RYR3: variants seen among roughly 807,000 people sequenced by gnomAD.
The protein encoded by RYR3 is brain ryanodine receptor-calcium release channel.
A neutral mutation model predicts 584.3 loss-of-function variants in RYR3; 207 were observed. The observed-to-expected ratio is 0.35, with a 90% CI of 0.32 to 0.40. The LOEUF is 0.40. Among genes scored for constraint, RYR3 ranks in the 10% least tolerant of loss-of-function variants. The pLI, the probability that RYR3 is intolerant of heterozygous loss-of-function variation, is 1.00. For missense variants in RYR3, 5,616 were observed against 6,089.2 expected (o/e 0.92, Z 2.59); for synonymous variants, 2,416 against 2,248.5 (o/e 1.07, Z -2.11).
chr15:33,469,341 A>T (rs542178619), intron 1 of RYR3, among the ~76,000 whole-genome samples: 1 of 152,170 alleles, frequency 6.6e-6, no homozygotes, highest in Non-Finnish European at 1.5e-5. Context: ...GAAACCTCAG[A>T]TACTAGTTCA....
chr15:33,552,483 A>G (rs1015753140), intron 10 of RYR3, among the ~76,000 whole-genome samples: 1 of 152,218 alleles, frequency 6.6e-6, no homozygotes, highest in African/African-American at 2.4e-5. Context: ...AAAGTCACCC[A>G]TGAGTCACAT....
At chr15:33,487,753 A>G (rs1206313557) in intron 2 of RYR3, among the ~76,000 whole-genome samples, 1 of 152,212 alleles carries the variant, frequency 6.6e-6, no homozygotes, top group African/African-American at 2.4e-5. Context: ...GTCATTTCAT[A>G]TTCATCCATA....
At chr15:33,628,891 A>G (rs1329745349) in intron 21 of RYR3, among the ~76,000 whole-genome samples, 3 of 152,178 alleles carry the variant, frequency 2.0e-5, no homozygotes, top group Non-Finnish European at 2.9e-5. Flanking sequence ...CTTGTTTAAT[A>G]TGGTTTTCAG....
At chr15:33,757,711 G>C in intron 60 of RYR3, 115 bp downstream of exon 60, 1 of 1,205,088 alleles carries the variant, frequency 8.3e-7, no homozygotes. Context: ...ATGATGTTTT[G>C]GTTTGTCATC....
intron 1 of RYR3, among the ~76,000 whole-genome samples, chr15:33,463,565 A>C (rs2048217316): frequency 6.6e-6 from 1 of 152,106 alleles, no homozygotes. Flanking sequence ...AAAATGTCAT[A>C]GGTAATAGGT....
Position 33,615,113 on chromosome 15 carries a change from G to A in RYR3, c.2357+1738G>A, listed in dbSNP as rs1049767410. On this transcript the variant is annotated intron_variant, in intron 19 of 103. Transcript: ENST00000634891. ...CTTTCCTCAGCCATTCTTCATCCCTGTATTTTAAAGAGATCACAATCAATT... is the reference window on the plus strand; with the variant it reads ...CTTTCCTCAGCCATTCTTCATCCCTATATTTTAAAGAGATCACAATCAATT... Among the ~76,000 whole-genome samples the A allele has an allele frequency of 1.3e-5, 2 of 152,132 alleles. 1 individual carries two copies. The highest frequency in any genetic ancestry group is 3.9e-4 in the East Asian group (2 of 5,174).
At chr15:33,782,027 A>T (rs1264463041) in intron 65 of RYR3, among the ~76,000 whole-genome samples, 2 of 152,212 alleles carry the variant, frequency 1.3e-5, no homozygotes, top group African/African-American at 2.4e-5. Flanking sequence ...TCCTGACTCC[A>T]AAGGGACATG....
At chr15:33,523,489 C>G (rs903866232) in intron 3 of RYR3, among the ~76,000 whole-genome samples, 1 of 152,092 alleles carries the variant, frequency 6.6e-6, no homozygotes, top group African/African-American at 2.4e-5. Flanking sequence ...GCAAGGTCTG[C>G]GGCTTCATTC....
At chr15:33,576,215 T>G (rs2058294726) in intron 12 of RYR3, among the ~76,000 whole-genome samples, 1 of 152,202 alleles carries the variant, frequency 6.6e-6, no homozygotes. Context: ...TACCATTTCT[T>G]CTGAAACTGT....
At position 33,865,342 on chromosome 15, in the gene RYR3, A is replaced by AAAAAAAACTGCTGAAAATCTGTGCT; in HGVS notation, c.*123_*124insCTGCTGAAAATCTGTGCTAAAAAAA. The AAAAAAAACTGCTGAAAATCTGTGCT allele has an allele frequency of 1.4e-6, 1 of 708,720 alleles. No homozygotes were observed. Among genetic ancestry groups the AAAAAAAACTGCTGAAAATCTGTGCT allele is most frequent in the South Asian group, 2.0e-5 (1 of 49,650 alleles). 43.9% of individuals were successfully genotyped at this position (708,720 alleles called of 1,614,324 possible). On this transcript the variant is annotated 3_prime_UTR_variant, in exon 104 of 104. Transcript: ENST00000634891. ...TGACATTTTCTAAATGCCTCCCTTA[A>AAAAAAAACTGCTGAAAATCTGTGCT]AAAAAAAACTGCTGAAAATCTGTGC...
chr15:33,737,663 T>C (rs1198227286), intron 49 of RYR3, among the ~76,000 whole-genome samples: 1 of 152,152 alleles, frequency 6.6e-6, no homozygotes, highest in East Asian at 1.9e-4. Flanking sequence ...CCAGTTTTCA[T>C]CTCAAAAAAA....
chr15:33,451,571 A>G (rs2047136420), intron 1 of RYR3, among the ~76,000 whole-genome samples: 1 of 152,222 alleles, frequency 6.6e-6, no homozygotes, highest in Non-Finnish European at 1.5e-5. Flanking sequence ...TGACGTCTGC[A>G]GCAGCGTGCC....
chr15:33,562,906 T>C lies in RYR3; in HGVS notation c.1042T>C (p.Tyr348His), dbSNP rs1332719394. 6.2e-7 allele frequency: 1 copy of C among 1,613,612 alleles called. No homozygotes were observed. ...AGGCATGGGAGTTCCAGAAATCAAG[T>C]ATGGAGATTCTGTCTGCTTTGTGCA... ...IEGMGVPEIK[Y>H]GDSVCFVQHI... The change falls in exon 11 of 104, where the codon TAT becomes CAT. Residue 348 changes from tyrosine to histidine, a missense_variant. By Grantham distance (83) the Tyr-to-His change is moderately conservative (BLOSUM62 2). Around this residue, in one of 9 missense-constraint regions of RYR3, gnomAD observed 1,284 missense variants for 1,344.6 expected, o/e 0.95. Coordinates refer to ENST00000634891, the MANE Select transcript of RYR3 (RefSeq NM_001036.6).
At chr15:33,743,562 G>A (rs1235353859) in intron 52 of RYR3, among the ~76,000 whole-genome samples, 8 of 152,166 alleles carry the variant, frequency 5.3e-5, no homozygotes, top group Admixed American at 2.0e-4. Flanking sequence ...GAGCATCTGC[G>A]TTTTCTGAGA....
intron 101 of RYR3, 42 bp from the exon 102 acceptor site, chr15:33,861,036 A>G (rs1888008196): frequency 2.1e-6 from 3 of 1,405,044 alleles, no homozygotes; most frequent in Non-Finnish European, 2.0e-6. Context: ...TCCTGCCTAT[A>G]TTATGCCAAC....
intron 16 of RYR3, among the ~76,000 whole-genome samples, chr15:33,592,012 G>A (rs566061376): frequency 2.6e-5 from 4 of 152,168 alleles, no homozygotes; most frequent in Non-Finnish European, 1.5e-5. Flanking sequence ...GTTTGGGATA[G>A]ACAGTAATAG....
At chr15:33,694,987 T>C (rs1167735456) in intron 38 of RYR3, among the ~76,000 whole-genome samples, 1 of 152,240 alleles carries the variant, frequency 6.6e-6, no homozygotes, top group African/African-American at 2.4e-5. Flanking sequence ...AGAGCAGACA[T>C]CTGCCATCTA....
At chr15:33,617,814 C>T (rs939718704) in intron 19 of RYR3, among the ~76,000 whole-genome samples, 2 of 143,724 alleles carry the variant, frequency 1.4e-5, no homozygotes, top group Non-Finnish European at 3.1e-5. Context: ...TAGATTTACC[C>T]ACAGTGAAGT....
At chr15:33,408,141 A>G (rs531807509) in intron 1 of RYR3, among the ~76,000 whole-genome samples, 3 of 152,262 alleles carry the variant, frequency 2.0e-5, no homozygotes, top group Admixed American at 2.0e-4. Flanking sequence ...CATAGTACCC[A>G]ATAGATTTTA....
Sources: gnomAD v4.1 joint callset for allele counts (sites outside exome capture counted in the v4.1 genomes callset) on GRCh38, gnomAD v4.1.1 for gene constraint, gnomAD v4.1.1 regional missense constraint, MANE v1.5 for transcripts, NCBI Gene and HGNC (gene_info 2026-07-23, HGNC 2026-07-21) for gene names.